The following LGALS3BP variants were observed in gnomAD, a reference collection of about 807,000 sequenced individuals.
LGALS3BP encodes the protein galectin-3-binding protein.
In LGALS3BP, 25 loss-of-function variants were observed where a neutral mutation model predicts 22.9. That is an observed-to-expected ratio of 1.09 (90% CI 0.80 to 1.53). The LOEUF (loss-of-function observed/expected upper bound fraction) is 1.53. LGALS3BP is among the 40% of genes most tolerant of loss of function. The probability of loss-of-function intolerance (pLI) is 0.00; values close to 1 mark genes in which losing one functional copy is unlikely to be tolerated. For missense variants in LGALS3BP, 718 were observed against 752.0 expected, an observed-to-expected ratio of 0.95 and a Z score of 0.53; for synonymous variants, 335 against 331.1, an observed-to-expected ratio of 1.01 and a Z score of -0.13.
intron 2 of LGALS3BP, 107 bp downstream of exon 2, chr17:78,977,033 T>C (rs144330215): frequency 0.018 from 21,011 of 1,183,176 alleles, 289 homozygotes; most frequent in Admixed American, 0.049. Context: ...GGCTAACCGC[T>C]GGGCCCCGGG....
chr17:78,977,236 G>C, intron 1 of LGALS3BP, 22 bp from the exon 2 acceptor site: 1 of 1,601,746 alleles, frequency 6.2e-7, no homozygotes, highest in Non-Finnish European at 8.5e-7. Context: ...AGAAGCGGAG[G>C]GGTGAGGCAC....
intron 2 of LGALS3BP, 100 bp downstream of exon 2, chr17:78,977,040 C>T (rs753897503): frequency 2.9e-5 from 37 of 1,291,668 alleles, no homozygotes; most frequent in East Asian, 4.8e-5. Flanking sequence ...CGCTGGGCCC[C>T]GGGCCCCAGG....
chr17:78,971,608 A>C lies in LGALS3BP; in HGVS notation c.1726T>G (p.Phe576Val). The C allele has an allele frequency of 1.9e-6, 3 of 1,613,574 alleles. No homozygotes were observed. Among genetic ancestry groups the C allele is most frequent in the Non-Finnish European group, 2.5e-6 (3 of 1,179,974 alleles). Residue 576 changes from phenylalanine to valine, a missense_variant, in exon 6 of 6, where the codon TTC becomes GTC. By Grantham distance (50) the Phe-to-Val change is conservative. Coordinates refer to ENST00000262776, the MANE Select transcript of LGALS3BP (RefSeq NM_005567.4). The surrounding 1 kb of genome is among the most constrained non-coding windows in gnomAD (Gnocchi z 5.6). ...FNGFRTVIRP[F>V]YLTNSSGVD Reference sequence around the variant, plus strand: ...ACACCTGAGGAGTTGGTCAGGTAGAAGGGGCGGATGACCGTGCGGAAGCCG... The same window carrying C: ...ACACCTGAGGAGTTGGTCAGGTAGACGGGGCGGATGACCGTGCGGAAGCCG...
At chr17:78,977,455 C>T (rs558371490) in intron 1 of LGALS3BP, 15 of 462,088 alleles carry the variant, frequency 3.2e-5, no homozygotes, top group East Asian at 1.1e-4. Context: ...CTAGATGAAG[C>T]GTGGGCTGGG....
intron 2 of LGALS3BP, 107 bp downstream of exon 2, chr17:78,977,033 T>TGGGCCCC (rs766364283): frequency 1.1e-5 from 13 of 1,183,174 alleles, no homozygotes; most frequent in Non-Finnish European, 1.6e-5. Flanking sequence ...GGCTAACCGC[T>TGGGCCCC]GGGCCCCGGG....
rs772503008 is a variant in LGALS3BP at position 78,972,382 on chromosome 17, C to T, written c.952G>A (p.Glu318Lys). The T allele has an allele frequency of 2.7e-5, 43 of 1,613,360 alleles. No individual in the cohort carries two copies. Among genetic ancestry groups the T allele is most frequent in the Middle Eastern group, 3.3e-4 (2 of 6,084 alleles). ...LPRSDLAVPS[E>K]LALLKAVDTW... ...TCCACGGCCTTCAGTAGGGCCAGCT[C>T]GCTGGGCACCGCCAGGTCGCTCCTG... The change falls in exon 6 of 6, where the codon GAG becomes AAG. Residue 318 changes from glutamate to lysine, a missense_variant. Glu to Lys is a moderately conservative substitution (Grantham distance 56). Transcript: ENST00000262776. The surrounding 1 kb of genome is among the most constrained non-coding windows in gnomAD (Gnocchi z 5.1).
chr17:78,976,532 T>C lies in LGALS3BP; in HGVS notation c.53-376A>G, dbSNP rs767820361. Reference sequence around the variant, plus strand: ...CGCCCTGCAGAGGGTGTCTGCAGTTTGGGGGTGCTGGCCTATGGGGGCAGC... The same window carrying C: ...CGCCCTGCAGAGGGTGTCTGCAGTTCGGGGGTGCTGGCCTATGGGGGCAGC... On this transcript the variant is annotated intron_variant, in intron 2 of 5. Coordinates refer to ENST00000262776, the MANE Select transcript of LGALS3BP (RefSeq NM_005567.4). The surrounding 1 kb of genome is among the most constrained non-coding windows in gnomAD (Gnocchi z 4.6). Among the ~76,000 whole-genome samples the C allele has an allele frequency of 8.5e-5, 13 of 152,060 alleles. No homozygotes were observed. Among genetic ancestry groups the C allele is most frequent in the Non-Finnish European group, 1.5e-5 (1 of 67,988 alleles).
Position 78,973,308 on chromosome 17 carries a change from G to T in LGALS3BP, c.377-86C>A. 1 of 1,391,022 alleles carries T rather than the reference G, an allele frequency of 7.2e-7. No individual in the cohort carries two copies. The highest frequency in any genetic ancestry group is 1.5e-5 in the South Asian group (1 of 66,936). The allele number at this position is 1,391,022 out of a possible 1,614,324, so 86.2% of individuals were successfully genotyped here. On this transcript the variant is annotated intron_variant, in intron 4 of 5. Coordinates refer to ENST00000262776, the MANE Select transcript of LGALS3BP (RefSeq NM_005567.4). The surrounding 1 kb of genome is among the most constrained non-coding windows in gnomAD (Gnocchi z 5.8). ...GGTCAGTGTCTTCATCTGAAAGTGA[G>T]GGATTTGTGGCTGCCTCATTCACTC... is the stretch of plus-strand genomic sequence containing the variant.
Position 78,976,216 on chromosome 17 carries a change from C to A in LGALS3BP, c.53-60G>T. ...CCTGCAGCACCCACCGCCCACACCT[C>A]CAGGCCCCATATGCTGTCCTGGGTC... On this transcript the variant is annotated intron_variant, in intron 2 of 5. Coordinates refer to ENST00000262776, the MANE Select transcript of LGALS3BP (RefSeq NM_005567.4). The surrounding 1 kb of genome is among the most constrained non-coding windows in gnomAD (Gnocchi z 4.6). 7.0e-7 allele frequency: 1 copy of A among 1,426,716 alleles called. No individual in the cohort carries two copies. 88.4% of individuals were successfully genotyped at this position (1,426,716 alleles called of 1,614,324 possible).
In LGALS3BP at chr17:78,973,182, G is replaced by C; in HGVS notation, c.417C>G (p.Leu139=). 6.3e-7 allele frequency: 1 copy of C among 1,591,490 alleles called. No homozygotes were observed. The highest frequency in any genetic ancestry group is 8.5e-7 in the Non-Finnish European group (1 of 1,169,820). ...CAAAGATCTGGCCAAGGGCCTCCGA[G>C]AGCTCCCTGGAGAGGTCCAGGGTGT... The part of the protein sequence containing the change: ...STHTLDLSRE[L]SEALGQIFDS... Residue 139 remains leucine (L), a synonymous_variant, in exon 5 of 6, where the codon CTC becomes CTG. Transcript: ENST00000262776. The surrounding 1 kb of genome is among the most constrained non-coding windows in gnomAD (Gnocchi z 5.8).
chr17:78,972,884 G>A lies in LGALS3BP; in HGVS notation c.629+86C>T. 6.7e-7 allele frequency: 1 copy of A among 1,495,950 alleles called. No homozygotes were observed. Among genetic ancestry groups the A allele is most frequent in the Admixed American group, 2.0e-5 (1 of 50,248 alleles). 92.7% of individuals were successfully genotyped at this position (1,495,950 alleles called of 1,614,324 possible). On this transcript the variant is annotated intron_variant, in intron 5 of 5. Coordinates refer to ENST00000262776, the MANE Select transcript of LGALS3BP (RefSeq NM_005567.4). This position sits in a 1 kb window ranked among gnomAD's most constrained non-coding sequence, Gnocchi z 5.1. ...CATGTGCATGCATGAGTATGTGCAG[G>A]TGTGTGTGTGGGGGGCTGTGCTTTT...
chr17:78,972,619 G>T lies in LGALS3BP; in HGVS notation c.715C>A (p.Leu239Met). 2 of 1,571,184 alleles carry T rather than the reference G, an allele frequency of 1.3e-6. No homozygotes were observed. The highest frequency in any genetic ancestry group is 1.7e-6 in the Non-Finnish European group (2 of 1,156,840). The change falls in exon 6 of 6, where the codon CTG (leucine) becomes ATG (methionine). Residue 239 changes from leucine (L) to methionine (M), a missense_variant. Leu to Met is a conservative substitution (Grantham distance 15). Transcript: ENST00000262776. This position sits in a 1 kb window ranked among gnomAD's most constrained non-coding sequence, Gnocchi z 5.1. The stretch of plus-strand genomic sequence containing the variant: ...AAGAGGCTTGCGCAGTAGCCCTGCA[G>T]CTGCCTGGCCCCATAGGCAGAGGCC... ...KLASAYGARQ[L>M]QGYCASLFAI...
At position 78,972,647 on chromosome 17, in the gene LGALS3BP, C is replaced by T; in HGVS notation, c.687G>A (p.Lys229=). 6.5e-7 allele frequency: 1 copy of T among 1,532,798 alleles called. No homozygotes were observed. Among genetic ancestry groups the T allele is most frequent in the Non-Finnish European group, 8.8e-7 (1 of 1,139,720 alleles). 94.9% of individuals were successfully genotyped at this position (1,532,798 alleles called of 1,614,324 possible). ...ITLSSVKCFH[K]LASAYGARQL... ...GCCTGGCCCCATAGGCAGAGGCCAG[C>T]TTGTGGAAGCACTTGACTGACGACA... Residue 229 remains lysine (K), a synonymous_variant, in exon 6 of 6, where the codon AAG becomes AAA. Coordinates refer to ENST00000262776, the MANE Select transcript of LGALS3BP (RefSeq NM_005567.4). This position sits in a 1 kb window ranked among gnomAD's most constrained non-coding sequence, Gnocchi z 5.1.
At chr17:78,978,660 C>T (rs1403113156) in intron 1 of LGALS3BP, among the ~76,000 whole-genome samples, 1 of 152,206 alleles carries the variant, frequency 6.6e-6, no homozygotes, top group Non-Finnish European at 1.5e-5. Flanking sequence ...CCCTCAGTCC[C>T]AGGCACGCCG....
rs2070693696 is a variant in LGALS3BP at position 78,973,464 on chromosome 17, G to A, written c.377-242C>T. 4.0e-6 allele frequency: 2 copies of A among 505,998 alleles called. No homozygotes were observed. Among genetic ancestry groups the A allele is most frequent in the Admixed American group, 3.3e-5 (1 of 30,002 alleles). 31.3% of individuals were successfully genotyped at this position (505,998 alleles called of 1,614,324 possible). A position where few individuals can be genotyped will look rare whatever the true frequency, so the allele number is the denominator to read the frequency against. On this transcript the variant is annotated intron_variant, in intron 4 of 5. Transcript: ENST00000262776. The surrounding 1 kb of genome is among the most constrained non-coding windows in gnomAD (Gnocchi z 5.8). The stretch of plus-strand genomic sequence containing the variant: ...CCTGGCCAAGCCTGTCCAGGCCCCC[G>A]CTTTAGGCCCTCTGCTCTGTGCTGC...
rs370151422 is a variant in LGALS3BP at position 78,973,175 on chromosome 17, C to T, written c.424G>A (p.Ala142Thr). 1.3e-5 allele frequency: 21 copies of T among 1,600,096 alleles called. No individual in the cohort carries two copies. Among genetic ancestry groups the T allele is most frequent in the Non-Finnish European group, 1.8e-5 (21 of 1,174,134 alleles). ...TLDLSRELSE[A>T]LGQIFDSQRG... ...TGGCTGTCAAAGATCTGGCCAAGGG[C>T]CTCCGAGAGCTCCCTGGAGAGGTCC... The change falls in exon 5 of 6, where the codon GCC becomes ACC. Residue 142 changes from alanine (A) to threonine (T), a missense_variant. Physicochemically the swap from Ala to Thr is moderately conservative, Grantham distance 58 (BLOSUM62 0). Coordinates refer to ENST00000262776, the MANE Select transcript of LGALS3BP (RefSeq NM_005567.4). This position sits in a 1 kb window ranked among gnomAD's most constrained non-coding sequence, Gnocchi z 5.8.
At chr17:78,978,072 G>C (rs1387047096) in intron 1 of LGALS3BP, among the ~76,000 whole-genome samples, 1 of 152,206 alleles carries the variant, frequency 6.6e-6, no homozygotes, top group Admixed American at 6.5e-5. Flanking sequence ...TAAGAATCCT[G>C]TGATACCTGA....
In LGALS3BP at chr17:78,973,340, G is replaced by C. The variant is rs1331258356; in HGVS notation, c.377-118C>G. ...GTGGCTGCCTCATTCACTCTGGAAG[G>C]CTCCTGGGAAGACGAGGGACAAGAG... is the stretch of plus-strand genomic sequence containing the variant. On this transcript the variant is annotated intron_variant, in intron 4 of 5. Coordinates refer to ENST00000262776, the MANE Select transcript of LGALS3BP (RefSeq NM_005567.4). The surrounding 1 kb of genome is among the most constrained non-coding windows in gnomAD (Gnocchi z 5.8). The C allele has an allele frequency of 8.2e-7, 1 of 1,225,306 alleles. No homozygotes were observed. Among genetic ancestry groups the C allele is most frequent in the African/African-American group, 1.5e-5 (1 of 65,562 alleles). The allele number at this position is 1,225,306 out of a possible 1,614,324, so 75.9% of individuals were successfully genotyped here.
At chr17:78,975,726 A>G (rs886422818) in intron 3 of LGALS3BP, among the ~76,000 whole-genome samples, 1 of 123,622 alleles carries the variant, frequency 8.1e-6, no homozygotes, top group African/African-American at 3.0e-5. Context: ...CAGGAGGCGG[A>G]GGTTGCAGTG....
Sources: allele counts gnomAD v4.1 joint callset (sites outside exome capture counted in the v4.1 genomes callset), GRCh38; gene constraint gnomAD v4.1.1; non-coding constraint Gnocchi (gnomAD v3.1); transcripts MANE v1.5; gene names NCBI Gene and HGNC (gene_info 2026-07-23, HGNC 2026-07-21).